The following LCOR variants were observed in gnomAD, a reference collection of about 807,000 sequenced individuals.
LCOR encodes the protein ligand-dependent corepressor.
A neutral mutation model predicts 64.4 loss-of-function variants in LCOR; 14 were observed. The observed-to-expected ratio is 0.22, with a 90% CI of 0.14 to 0.34. The LOEUF (loss-of-function observed/expected upper bound fraction) is 0.34. LCOR is among the 10% of genes least tolerant of loss of function. The pLI is 1.00. For synonymous variants in LCOR, 643 were observed against 642.5 expected (o/e 1.00, Z -0.01); for missense variants, 1,686 against 1,765.3 (o/e 0.96, Z 0.80).
At chr10:96,961,358 A>G (rs1329225038) in intron 7 of LCOR, 3 of 152,060 alleles carry the variant, frequency 2.0e-5, no homozygotes, top group African/African-American at 7.2e-5. Context: ...TATAGCAAAT[A>G]TTATTATAAT....
At chr10:96,927,899 A>G (rs940275486) in intron 4 of LCOR, among the ~76,000 whole-genome samples, 3 of 152,250 alleles carry the variant, frequency 2.0e-5, no homozygotes, top group Non-Finnish European at 4.4e-5. Flanking sequence ...CCCAGTGCAT[A>G]TAAAAGTTAT....
intron 4 of LCOR, among the ~76,000 whole-genome samples, chr10:96,908,579 GTTT>G (rs1348616050): frequency 8.6e-5 from 13 of 151,724 alleles, no homozygotes; most frequent in African/African-American, 2.9e-4. Flanking sequence ...TTATTGCTTT[GTTT>G]TAAACATAAA....
At chr10:96,878,294 G>A (rs1451299785) in intron 2 of LCOR, among the ~76,000 whole-genome samples, 1 of 152,176 alleles carries the variant, frequency 6.6e-6, no homozygotes, top group Non-Finnish European at 1.5e-5. Context: ...AGTGCTGGGA[G>A]CAGAATTGAC....
intron 7 of LCOR, among the ~76,000 whole-genome samples, chr10:96,972,220 A>T (rs559170373): frequency 2.8e-4 from 43 of 152,280 alleles, no homozygotes; most frequent in Non-Finnish European, 4.4e-4. Flanking sequence ...AAAATATTTT[A>T]AAAATATTTT....
intron 2 of LCOR, among the ~76,000 whole-genome samples, chr10:96,835,974 C>T (rs553645522): frequency 6.6e-6 from 1 of 152,268 alleles, no homozygotes; most frequent in Non-Finnish European, 1.5e-5. Flanking sequence ...GCTCTCTCTG[C>T]GCCTGATATG....
At chr10:96,904,271 A>T (rs1262637726) in intron 2 of LCOR, among the ~76,000 whole-genome samples, 8 of 152,204 alleles carry the variant, frequency 5.3e-5, no homozygotes. Context: ...CAAAGGTGAG[A>T]TGCAGAGGCT....
At chr10:96,955,531 T>A (rs2134534040) in intron 7 of LCOR, 22 of 1,614,090 alleles carry the variant, frequency 1.4e-5, no homozygotes, top group Non-Finnish European at 1.9e-5. Flanking sequence ...AGAAAAAGCA[T>A]GTTAGATGCT....
intron 4 of LCOR, among the ~76,000 whole-genome samples, chr10:96,920,503 T>C (rs555257441): frequency 8.3e-4 from 119 of 142,676 alleles, no homozygotes; most frequent in Middle Eastern, 3.6e-3. Context: ...TATGTGTATA[T>C]ATGTATGTAT....
At chr10:96,910,068 G>A (rs1320962965) in intron 4 of LCOR, among the ~76,000 whole-genome samples, 19 of 151,990 alleles carry the variant, frequency 1.3e-4, no homozygotes. Flanking sequence ...GCTGTATGAG[G>A]GTAAAATATT....
intron 1 of LCOR, among the ~76,000 whole-genome samples, chr10:96,832,763 T>G (rs1477507581): frequency 1.3e-5 from 2 of 150,208 alleles, no homozygotes; most frequent in Non-Finnish European, 3.0e-5. Context: ...GCCGGCTTAT[T>G]GTGGCGACTC....
intron 7 of LCOR, 47 bp downstream of exon 7, chr10:96,952,243 C>A: frequency 7.6e-7 from 1 of 1,320,928 alleles, no homozygotes; most frequent in South Asian, 1.2e-5. Flanking sequence ...ATAGATAATT[C>A]ATCAAAGGTT....
At chr10:96,980,099 G>C (rs1172375430) in intron 7 of LCOR, among the ~76,000 whole-genome samples, 1 of 151,790 alleles carries the variant, frequency 6.6e-6, no homozygotes, top group Non-Finnish European at 1.5e-5. Flanking sequence ...AGCCAAGCTC[G>C]CACCACTGCA....
intron 4 of LCOR, among the ~76,000 whole-genome samples, chr10:96,924,798 C>T (rs1318655030): frequency 3.3e-5 from 5 of 152,132 alleles, no homozygotes; most frequent in Non-Finnish European, 5.9e-5. Flanking sequence ...GTGTGTATTT[C>T]CCTTTATCCT....
chr10:96,884,371 C>T (rs963908316), intron 2 of LCOR, among the ~76,000 whole-genome samples: 3 of 152,148 alleles, frequency 2.0e-5, no homozygotes, highest in Non-Finnish European at 2.9e-5. Flanking sequence ...TATTTGAAAA[C>T]GCTAAAGTAG....
chr10:96,837,112 C>T (rs893692278), intron 2 of LCOR, among the ~76,000 whole-genome samples: 1 of 152,062 alleles, frequency 6.6e-6, no homozygotes, highest in Admixed American at 6.6e-5. Flanking sequence ...CTGCCTCAGC[C>T]TCCGAGTAGC....
intron 4 of LCOR, among the ~76,000 whole-genome samples, chr10:96,931,928 T>A (rs934553516): frequency 4.6e-5 from 7 of 152,214 alleles, no homozygotes; most frequent in African/African-American, 1.7e-4. Context: ...TTTAAGGATA[T>A]TACTCTTTCT....
At chr10:96,958,906 TAA>T (rs74784568) in intron 7 of LCOR, 19,265 of 103,894 alleles carry the variant, frequency 0.19, 1,466 homozygotes, top group East Asian at 0.38. Context: ...AAGAAAAACT[TAA>T]AAAAAAAAAA....
At chr10:96,860,069 A>G (rs1845863428) in intron 2 of LCOR, among the ~76,000 whole-genome samples, 1 of 152,160 alleles carries the variant, frequency 6.6e-6, no homozygotes, top group Non-Finnish European at 1.5e-5. Context: ...CTTCAAATGA[A>G]AATTGGATGC....
At chr10:96,874,007 C>G (rs1301257994) in intron 2 of LCOR, among the ~76,000 whole-genome samples, 1 of 152,060 alleles carries the variant, frequency 6.6e-6, no homozygotes, top group African/African-American at 2.4e-5. Context: ...GACAATGGGG[C>G]ACTTCATGAC....
Sources: gnomAD v4.1 joint callset for allele counts (sites outside exome capture counted in the v4.1 genomes callset) on GRCh38, gnomAD v4.1.1 for gene constraint, MANE v1.5 for transcripts, NCBI Gene and HGNC (gene_info 2026-07-23, HGNC 2026-07-21) for gene names.